The following KRTAP4-8 variants were observed in gnomAD, a reference collection of about 807,000 sequenced individuals.
The protein encoded by KRTAP4-8 is keratin associated protein 4-8.
For missense variants in KRTAP4-8, 188 were observed against 237.4 expected (o/e 0.79, Z 1.37); for synonymous variants, 66 against 86.6 (o/e 0.76, Z 1.32).
At position 41,097,240 on chromosome 17, in the gene KRTAP4-8, A is replaced by T. The variant is rs1165528127; in HGVS notation, c.*287T>A. ...TATTCTGTAGGCTCAAAATGATTTT[A>T]AAAAATGAGGAATTTAGAGGATTGG... On this transcript the variant is annotated 3_prime_UTR_variant, in exon 1 of 1. Coordinates refer to ENST00000333822, the MANE Select transcript of KRTAP4-8 (RefSeq NM_031960.3). 25 of 555,548 alleles carry T rather than the reference A, an allele frequency of 4.5e-5. No individual in the cohort carries two copies. The highest frequency in any genetic ancestry group is 4.3e-4 in the East Asian group (14 of 32,262). The allele number at this position is 555,548 out of a possible 1,614,324, so 34.4% of individuals were successfully genotyped here. A position where few individuals can be genotyped will look rare whatever the true frequency, so the allele number is the denominator to read the frequency against.
rs1358537499 is a variant in KRTAP4-8, at chr17:41,098,074, G to A, written c.11C>T (p.Ser4Phe). The change falls in exon 1 of 1, where the codon TCC becomes TTC. Residue 4 changes from serine (S) to phenylalanine (F), a missense_variant. Ser to Phe is a radical substitution (Grantham distance 155). Transcript: ENST00000333822. ...GTCAGAGCACACGGAGCCACAACAG[G>A]AGTTGACCATGGTGTCAGAGGGTGA... Reference protein sequence around the residue: MVNSCCGSVCSDQG... With the variant: MVNFCCGSVCSDQG... The A allele has an allele frequency of 2.6e-6, 4 of 1,542,848 alleles. No homozygotes were observed. The highest frequency in any genetic ancestry group is 3.5e-6 in the Non-Finnish European group (4 of 1,146,718).
rs2143867213 is a variant in KRTAP4-8 at position 41,097,326 on chromosome 17, A to T, written c.*201T>A. 1 of 830,512 alleles carries T rather than the reference A, an allele frequency of 1.2e-6. No individual in the cohort carries two copies. The allele number at this position is 830,512 out of a possible 1,614,324, so 51.4% of individuals were successfully genotyped here. A position where few individuals can be genotyped will look rare whatever the true frequency, so the allele number is the denominator to read the frequency against. On this transcript the variant is annotated 3_prime_UTR_variant, in exon 1 of 1. Coordinates refer to ENST00000333822, the MANE Select transcript of KRTAP4-8 (RefSeq NM_031960.3). ...GTATTTGGTGCCATGACTGGAAGAA[A>T]AAGAAAGCAAGGGAGGGAGTTTAAA...
Position 41,097,448 on chromosome 17 carries a change from T to C in KRTAP4-8, c.*79A>G, listed in dbSNP as rs1193035869. 58 of 1,495,046 alleles carry C rather than the reference T, an allele frequency of 3.9e-5. No homozygotes were observed. Among genetic ancestry groups the C allele is most frequent in the Non-Finnish European group, 4.8e-5 (54 of 1,115,688 alleles). 92.6% of individuals were successfully genotyped at this position (1,495,046 alleles called of 1,614,324 possible). On this transcript the variant is annotated 3_prime_UTR_variant, in exon 1 of 1. Coordinates refer to ENST00000333822, the MANE Select transcript of KRTAP4-8 (RefSeq NM_031960.3). ...TGAATGACATAAATCCCACTCCATGTGTCCTAATATTCAGCACAGAAGAAT... is the reference window on the plus strand; with the variant it reads ...TGAATGACATAAATCCCACTCCATGCGTCCTAATATTCAGCACAGAAGAAT...
chr17:41,097,960 G>C lies in KRTAP4-8; in HGVS notation c.125C>G (p.Pro42Arg), dbSNP rs754200330. The C allele has an allele frequency of 2.5e-6, 4 of 1,613,626 alleles. No homozygotes were observed. The African/African-American group carries it at 5.3e-5, about 22-fold the overall frequency. Residue 42 changes from proline to arginine, a missense_variant, in exon 1 of 1, where the codon CCC becomes CGC. Coordinates refer to ENST00000333822, the MANE Select transcript of KRTAP4-8 (RefSeq NM_031960.3). ...GCAGCAGCAGGACACACTGTAGCTG[G>C]GGCGGTAGCAGGTGGTCCTGCAGCA... ...TTCCRTTCYR[P>R]SYSVSCCCRP...
chr17:41,097,206 T>G lies in KRTAP4-8; in HGVS notation c.*321A>C. 4.3e-6 allele frequency: 2 copies of G among 467,154 alleles called. No individual in the cohort carries two copies. Among genetic ancestry groups the G allele is most frequent in the Non-Finnish European group, 7.6e-6 (2 of 263,106 alleles). The allele number at this position is 467,154 out of a possible 1,614,324, so 28.9% of individuals were successfully genotyped here. ...GAAAGGGAGATAATGTGTACCTAAT[T>G]GGGAAGGATATTCTGTAGGCTCAAA... On this transcript the variant is annotated 3_prime_UTR_variant, in exon 1 of 1. Coordinates refer to ENST00000333822, the MANE Select transcript of KRTAP4-8 (RefSeq NM_031960.3).
In KRTAP4-8 at chr17:41,097,591, T is replaced by C; in HGVS notation, c.494A>G (p.Tyr165Cys). 1 of 1,570,086 alleles carries C rather than the reference T, an allele frequency of 6.4e-7. No homozygotes were observed. Among genetic ancestry groups the C allele is most frequent in the Non-Finnish European group, 8.6e-7 (1 of 1,156,800 alleles). The part of the protein sequence containing the change: ...CGRVSCHTTC[Y>C]RPACVISTCP... ...GGTGGAGATGACACAGGCTGGGCGA[T>C]AGCAAGTGGTGTGGCAGGAGACTCG... The change falls in exon 1 of 1, where the codon TAT (tyrosine) becomes TGT (cysteine). Residue 165 changes from tyrosine to cysteine, a missense_variant. By Grantham distance (194) the Tyr-to-Cys change is radical. Coordinates refer to ENST00000333822, the MANE Select transcript of KRTAP4-8 (RefSeq NM_031960.3).
In KRTAP4-8 at chr17:41,098,022, C is replaced by G. The variant is rs1348239929; in HGVS notation, c.63G>C (p.Gln21His). The part of the protein sequence containing the change: ...SDQGCGQDLC[Q>H]ETCCCPSCCQ... ...AGCAGCTGGGGCAGCAGCAGGTCTC[C>G]TGGCAGAGGTCTTGGCCACAGCCTT... Residue 21 changes from glutamine to histidine, a missense_variant, in exon 1 of 1, where the codon CAG (glutamine) becomes CAC (histidine). Gln to His is a conservative substitution (Grantham distance 24). Transcript: ENST00000333822. 2 of 1,613,854 alleles carry G rather than the reference C, an allele frequency of 1.2e-6. No individual in the cohort carries two copies. The highest frequency in any genetic ancestry group is 1.7e-6 in the Non-Finnish European group (2 of 1,179,854).
At position 41,097,964 on chromosome 17, in the gene KRTAP4-8, G is replaced by C; in HGVS notation, c.121C>G (p.Arg41Gly). 6 of 1,613,650 alleles carry C rather than the reference G, an allele frequency of 3.7e-6. No homozygotes were observed. Among genetic ancestry groups the C allele is most frequent in the Non-Finnish European group, 5.1e-6 (6 of 1,179,800 alleles). Reference sequence around the variant, plus strand: ...CAGCAGGACACACTGTAGCTGGGGCGGTAGCAGGTGGTCCTGCAGCAGGTG... The same window carrying C: ...CAGCAGGACACACTGTAGCTGGGGCCGTAGCAGGTGGTCCTGCAGCAGGTG... ...QTTCCRTTCY[R>G]PSYSVSCCCR... The change falls in exon 1 of 1, where the codon CGC (arginine) becomes GGC (glycine). Residue 41 changes from arginine (R) to glycine (G), a missense_variant. Arg to Gly is a moderately radical substitution (Grantham distance 125). Coordinates refer to ENST00000333822, the MANE Select transcript of KRTAP4-8 (RefSeq NM_031960.3).
In KRTAP4-8 at chr17:41,097,702, C is replaced by T; in HGVS notation, c.383G>A (p.Ser128Asn). Reference sequence around the variant, plus strand: ...GCGGCAGCAGCTGGAGATGCTGCAGCTGGGGCGGCAGCAGTTGGGCTGGCA... The same window carrying T: ...GCGGCAGCAGCTGGAGATGCTGCAGTTGGGGCGGCAGCAGTTGGGCTGGCA... ...VCCQPNCCRP[S>N]CSISSCCRPS... The change falls in exon 1 of 1, where the codon AGC becomes AAC. Residue 128 changes from serine (S) to asparagine (N), a missense_variant. Physicochemically the swap from Ser to Asn is conservative, Grantham distance 46. Transcript: ENST00000333822. 1 of 1,507,016 alleles carries T rather than the reference C, an allele frequency of 6.6e-7. No homozygotes were observed. The highest frequency in any genetic ancestry group is 9.1e-7 in the Non-Finnish European group (1 of 1,100,994). 93.4% of individuals were successfully genotyped at this position (1,507,016 alleles called of 1,614,324 possible).
chr17:41,097,672 G>C lies in KRTAP4-8; in HGVS notation c.413C>G (p.Ser138Cys). Reference protein sequence around the residue: ...SCSISSCCRPSCCESSCCRPC... With the variant: ...SCSISSCCRPCCCESSCCRPC... ...GCGGCAGCAGCTGGATTCACAGCAA[G>C]AGGGGCGGCAGCAGCTGGAGATGCT... Residue 138 changes from serine (S) to cysteine (C), a missense_variant, in exon 1 of 1, where the codon TCT (serine) becomes TGT (cysteine). Coordinates refer to ENST00000333822, the MANE Select transcript of KRTAP4-8 (RefSeq NM_031960.3). 1 of 1,580,872 alleles carries C rather than the reference G, an allele frequency of 6.3e-7. No individual in the cohort carries two copies. Among genetic ancestry groups the C allele is most frequent in the African/African-American group, 1.6e-5 (1 of 62,728 alleles).
chr17:41,097,566 G>A lies in KRTAP4-8; in HGVS notation c.519C>T (p.Thr173=), dbSNP rs748555657. The A allele has an allele frequency of 3.2e-6, 5 of 1,569,014 alleles. No homozygotes were observed. The highest frequency in any genetic ancestry group is 4.3e-6 in the Non-Finnish European group (5 of 1,156,420). Residue 173 remains threonine, a synonymous_variant, in exon 1 of 1, where the codon ACC becomes ACT. Coordinates refer to ENST00000333822, the MANE Select transcript of KRTAP4-8 (RefSeq NM_031960.3). ...TCYRPACVIS[T]CPRPVCCASS... Reference sequence around the variant, plus strand: ...AGGCGCAGCACACGGGGCGGGGGCAGGTGGAGATGACACAGGCTGGGCGAT... The same window carrying A: ...AGGCGCAGCACACGGGGCGGGGGCAAGTGGAGATGACACAGGCTGGGCGAT...
rs777688954 is a variant in KRTAP4-8, at chr17:41,097,558, C to T, written c.527G>A (p.Arg176His). The stretch of plus-strand genomic sequence containing the variant: ...GCAAGAGGAGGCGCAGCACACGGGG[C>T]GGGGGCAGGTGGAGATGACACAGGC... The part of the protein sequence containing the change: ...RPACVISTCP[R>H]PVCCASSCC Residue 176 changes from arginine to histidine, a missense_variant, in exon 1 of 1, where the codon CGC becomes CAC. Coordinates refer to ENST00000333822, the MANE Select transcript of KRTAP4-8 (RefSeq NM_031960.3). The T allele has an allele frequency of 4.0e-5, 62 of 1,568,802 alleles. No individual in the cohort carries two copies. Among genetic ancestry groups the T allele is most frequent in the South Asian group, 7.0e-5 (6 of 86,088 alleles).
At position 41,097,411 on chromosome 17, in the gene KRTAP4-8, G is replaced by A. The variant is rs1377384724; in HGVS notation, c.*116C>T. 8 of 1,419,088 alleles carry A rather than the reference G, an allele frequency of 5.6e-6. No individual in the cohort carries two copies. The highest frequency in any genetic ancestry group is 4.9e-5 in the Admixed American group (2 of 40,672). 87.9% of individuals were successfully genotyped at this position (1,419,088 alleles called of 1,614,324 possible). ...GGTGATGGGCTCATTGGATACATGA[G>A]GTCCACCCTGCTGAATGACATAAAT... On this transcript the variant is annotated 3_prime_UTR_variant, in exon 1 of 1. Transcript: ENST00000333822.
chr17:41,098,124 A>G lies in KRTAP4-8; in HGVS notation c.-40T>C. On this transcript the variant is annotated 5_prime_UTR_variant, in exon 1 of 1. Transcript: ENST00000333822. ...AAGGATCTATTTGGGTTTCCAAGAG[A>G]GTAAAGTTCTTGAGTTTGGAAGTTT... 1.3e-6 allele frequency: 2 copies of G among 1,551,614 alleles called. No individual in the cohort carries two copies. The highest frequency in any genetic ancestry group is 1.7e-6 in the Non-Finnish European group (2 of 1,147,156).
chr17:41,097,505 G>A lies in KRTAP4-8; in HGVS notation c.*22C>T. 1.3e-6 allele frequency: 2 copies of A among 1,553,094 alleles called. No individual in the cohort carries two copies. Among genetic ancestry groups the A allele is most frequent in the Non-Finnish European group, 1.7e-6 (2 of 1,147,678 alleles). On this transcript the variant is annotated 3_prime_UTR_variant, in exon 1 of 1. Coordinates refer to ENST00000333822, the MANE Select transcript of KRTAP4-8 (RefSeq NM_031960.3). ...CATTTGTGGACCAGCGGTGAAGGGAGAGATGAGCCAGGGCAGTGGGCTCAG... is the reference window on the plus strand; with the variant it reads ...CATTTGTGGACCAGCGGTGAAGGGAAAGATGAGCCAGGGCAGTGGGCTCAG...
In KRTAP4-8 at chr17:41,097,962, G is replaced by A. The variant is rs779424299; in HGVS notation, c.123C>T (p.Arg41=). The change falls in exon 1 of 1, where the codon CGC becomes CGT. Residue 41 remains arginine, a synonymous_variant. Coordinates refer to ENST00000333822, the MANE Select transcript of KRTAP4-8 (RefSeq NM_031960.3). The part of the protein sequence containing the change: ...QTTCCRTTCY[R]PSYSVSCCCR... ...AGCAGCAGGACACACTGTAGCTGGG[G>A]CGGTAGCAGGTGGTCCTGCAGCAGG... 6.2e-7 allele frequency: 1 copy of A among 1,613,480 alleles called. No individual in the cohort carries two copies. Among genetic ancestry groups the A allele is most frequent in the African/African-American group, 1.3e-5 (1 of 74,736 alleles).
At position 41,098,046 on chromosome 17, in the gene KRTAP4-8, T is replaced by C. The variant is rs768477584; in HGVS notation, c.39A>G (p.Gln13=). The C allele has an allele frequency of 1.6e-5, 25 of 1,611,578 alleles. No individual in the cohort carries two copies. Among genetic ancestry groups the C allele is most frequent in the African/African-American group, 2.7e-5 (2 of 74,634 alleles). Residue 13 remains glutamine (Q), a synonymous_variant, in exon 1 of 1, where the codon CAA becomes CAG. Coordinates refer to ENST00000333822, the MANE Select transcript of KRTAP4-8 (RefSeq NM_031960.3). The stretch of plus-strand genomic sequence containing the variant: ...CCTGGCAGAGGTCTTGGCCACAGCC[T>C]TGGTCAGAGCACACGGAGCCACAAC... ...NSCCGSVCSD[Q]GCGQDLCQET... is the part of the protein sequence containing the mutation.
In KRTAP4-8 at chr17:41,097,571, A is replaced by T; in HGVS notation, c.514T>A (p.Ser172Thr). 1.3e-6 allele frequency: 2 copies of T among 1,568,726 alleles called. No homozygotes were observed. Among genetic ancestry groups the T allele is most frequent in the Non-Finnish European group, 1.7e-6 (2 of 1,156,160 alleles). The change falls in exon 1 of 1, where the codon TCC becomes ACC. Residue 172 changes from serine (S) to threonine (T), a missense_variant. Physicochemically the swap from Ser to Thr is moderately conservative, Grantham distance 58 (BLOSUM62 1). Transcript: ENST00000333822. ...CAGCACACGGGGCGGGGGCAGGTGG[A>T]GATGACACAGGCTGGGCGATAGCAA... ...TTCYRPACVI[S>T]TCPRPVCCAS...
At position 41,097,970 on chromosome 17, in the gene KRTAP4-8, A is replaced by T. The variant is rs770702326; in HGVS notation, c.115T>A (p.Cys39Ser). Reference sequence around the variant, plus strand: ...GACACACTGTAGCTGGGGCGGTAGCAGGTGGTCCTGCAGCAGGTGGTCTGA... The same window carrying T: ...GACACACTGTAGCTGGGGCGGTAGCTGGTGGTCCTGCAGCAGGTGGTCTGA... ...CCQTTCCRTTCYRPSYSVSCC... is the reference protein window; with the variant it reads ...CCQTTCCRTTSYRPSYSVSCC... The change falls in exon 1 of 1, where the codon TGC (cysteine) becomes AGC (serine). Residue 39 changes from cysteine (C) to serine (S), a missense_variant. Physicochemically the swap from Cys to Ser is moderately radical, Grantham distance 112. Coordinates refer to ENST00000333822, the MANE Select transcript of KRTAP4-8 (RefSeq NM_031960.3). 9.9e-6 allele frequency: 16 copies of T among 1,613,782 alleles called. No individual in the cohort carries two copies. Among genetic ancestry groups the T allele is most frequent in the South Asian group, 9.9e-5 (9 of 91,050 alleles).
Sources: gnomAD v4.1 joint callset for allele counts on GRCh38, gnomAD v4.1.1 for gene constraint, MANE v1.5 for transcripts, NCBI Gene and HGNC (gene_info 2026-07-23, HGNC 2026-07-21) for gene names.